Variants in RHOT2 observed in about 807,000 individuals in gnomAD.
RHOT2 encodes the protein ras homolog family member T2.
Under a neutral mutation model 81.6 loss-of-function variants are expected in RHOT2, and 90 were observed. The ratio of observed to expected loss-of-function variants is 1.10; its 90% CI spans 0.93 to 1.31. The LOEUF (loss-of-function observed/expected upper bound fraction) is 1.31, where lower values mean the gene tolerates loss of function less well. RHOT2 is among the 40% of genes most tolerant of loss of function. The pLI, the probability that RHOT2 is intolerant of heterozygous loss-of-function variation, is 0.00. For missense variants in RHOT2, 1,014 were observed against 841.9 expected (o/e 1.20, Z -2.53); for synonymous variants, 512 against 370.9 (o/e 1.38, Z -4.37).
rs1473860421 is a variant in RHOT2 at position 673,502 on chromosome 16, C to A, written c.1753C>A (p.His585Asn). Residue 585 changes from histidine to asparagine, a missense_variant, in exon 19 of 19, where the codon CAT becomes AAT. His to Asn is a moderately conservative substitution (Grantham distance 68). Coordinates refer to ENST00000315082, the MANE Select transcript of RHOT2 (RefSeq NM_138769.3). The stretch of plus-strand genomic sequence containing the variant: ...CAGACATTTGGTCCACGCAGAGCTG[C>A]ATCCCTCTTCCTTCTGGCTCCGGGG... ...AFPHLVHAEL[H>N]PSSFWLRGLL... 1 of 1,612,708 alleles carries A rather than the reference C, an allele frequency of 6.2e-7. No individual in the cohort carries two copies. Among genetic ancestry groups the A allele is most frequent in the Admixed American group, 1.7e-5 (1 of 60,004 alleles).
intron 4 of RHOT2, chr16:668,966 T>C: frequency 1.9e-6 from 1 of 525,454 alleles, no homozygotes; most frequent in Non-Finnish European, 3.3e-6. Context: ...TTGCTCTTCC[T>C]GTGGGCTCTG....
Position 673,680 on chromosome 16 carries a change from C to T in RHOT2, c.*74C>T. 1.3e-6 allele frequency: 2 copies of T among 1,536,820 alleles called. No individual in the cohort carries two copies. Among genetic ancestry groups the T allele is most frequent in the Non-Finnish European group, 1.8e-6 (2 of 1,142,216 alleles). The stretch of plus-strand genomic sequence containing the variant: ...CTGGGGCTCTGCAGGGGCAGCACAG[C>T]TGGGGTGCAGGCCAGGCTGCCACTC... On this transcript the variant is annotated 3_prime_UTR_variant, in exon 19 of 19. Transcript: ENST00000315082.
At position 670,370 on chromosome 16, in the gene RHOT2, C is replaced by T. The variant is rs543699046; in HGVS notation, c.438+13C>T. ...GACCTGCGTGGAGGTGAGTAGGTCC[C>T]AGGCAGGGCCGCCTCCTTCATTCCT... On this transcript the variant is annotated intron_variant, in intron 7 of 18. Coordinates refer to ENST00000315082, the MANE Select transcript of RHOT2 (RefSeq NM_138769.3). 292 of 1,611,984 alleles carry T rather than the reference C, an allele frequency of 1.8e-4. No homozygotes were observed. The highest frequency in any genetic ancestry group is 2.3e-4 in the Non-Finnish European group (273 of 1,179,392).
chr16:669,685 G>C, intron 5 of RHOT2, 79 bp downstream of exon 5: 2 of 1,440,310 alleles, frequency 1.4e-6, no homozygotes, highest in Non-Finnish European at 1.9e-6. Flanking sequence ...CCAACCCGTG[G>C]CCAGTGCCAT....
In RHOT2 at chr16:672,385, G is replaced by A. The variant is rs780621545; in HGVS notation, c.1326+1G>A. The A allele has an allele frequency of 2.9e-5, 46 of 1,609,358 alleles. No homozygotes were observed. Among genetic ancestry groups the A allele is most frequent in the Non-Finnish European group, 3.7e-5 (44 of 1,178,004 alleles). On this transcript the variant is annotated splice_donor_variant, in intron 15 of 18. Coordinates refer to ENST00000315082, the MANE Select transcript of RHOT2 (RefSeq NM_138769.3). LOFTEE classifies it high-confidence loss of function. ...GGCCTTTCTCGGCCGCGGCCTGGGG[G>A]TAAGCACCCTAGACTCCCCCACCAC...
intron 4 of RHOT2, 89 bp downstream of exon 4, chr16:668,788 CG>C: frequency 8.7e-6 from 12 of 1,378,228 alleles, no homozygotes; most frequent in Non-Finnish European, 1.2e-5. Context: ...CGAGGTGCTC[CG>C]GGTGTCCTTG....
chr16:672,822 C>A lies in RHOT2; in HGVS notation c.1524C>A (p.Tyr508Ter), dbSNP rs201619263. The A allele has an allele frequency of 2.5e-6, 4 of 1,612,624 alleles. No individual in the cohort carries two copies. Among genetic ancestry groups the A allele is most frequent in the Non-Finnish European group, 3.4e-6 (4 of 1,179,974 alleles). Reference sequence around the variant, plus strand: ...CCTTTGCACATTGTGCCAGCGTCTACAAGGTGGGGCCCTGCAGGGGCCACG... The same window carrying A: ...CCTTTGCACATTGTGCCAGCGTCTAAAAGGTGGGGCCCTGCAGGGGCCACG... The part of the protein sequence containing the change: ...PKSFAHCASV[Y>*]KHHYMDGQTP... The change falls in exon 17 of 19, where the codon TAC becomes TAA. Residue 508 changes from tyrosine to a stop codon, truncating the protein, a stop_gained. Coordinates refer to ENST00000315082, the MANE Select transcript of RHOT2 (RefSeq NM_138769.3). LOFTEE classifies it high-confidence loss of function.
In RHOT2 at chr16:673,802, C is replaced by T. The variant is rs2039345555; in HGVS notation, c.*196C>T. ...TGCACTGCCCTGGCTCCTGCCGGAC[C>T]CCCAGGGTGGGCCGTGGCAGGTGGC... On this transcript the variant is annotated 3_prime_UTR_variant, in exon 19 of 19. Coordinates refer to ENST00000315082, the MANE Select transcript of RHOT2 (RefSeq NM_138769.3). The T allele has an allele frequency of 1.4e-6, 1 of 736,310 alleles. No individual in the cohort carries two copies. The highest frequency in any genetic ancestry group is 2.8e-5 in the East Asian group (1 of 35,898). The allele number at this position is 736,310 out of a possible 1,614,324, so 45.6% of individuals were successfully genotyped here.
rs890390453 is a variant in RHOT2, at chr16:668,550, C to T, written c.159C>T (p.Thr53=). 1.2e-6 allele frequency: 2 copies of T among 1,610,574 alleles called. No individual in the cohort carries two copies. Among genetic ancestry groups the T allele is most frequent in the African/African-American group, 2.7e-5 (2 of 74,728 alleles). Residue 53 remains threonine (T), a synonymous_variant, in exon 3 of 19, where the codon ACC becomes ACT. Transcript: ENST00000315082. ...PADVTPEKVP[T]HIVDYSEAEQ... is the part of the protein sequence containing the mutation. ...ACGTCACCCCGGAGAAGGTGCCCAC[C>T]CACATCGTGGACTACTCAGGTAGCG...
rs1334126488 is a variant in RHOT2, at chr16:672,819, C to G, written c.1521C>G (p.Val507=). 1.2e-6 allele frequency: 2 copies of G among 1,612,658 alleles called. No homozygotes were observed. Among genetic ancestry groups the G allele is most frequent in the Non-Finnish European group, 8.5e-7 (1 of 1,179,972 alleles). ...AGTCCTTTGCACATTGTGCCAGCGT[C>G]TACAAGGTGGGGCCCTGCAGGGGCC... ...DPKSFAHCAS[V]YKHHYMDGQT... is the part of the protein sequence containing the mutation. The change falls in exon 17 of 19, where the codon GTC becomes GTG. Residue 507 remains valine (V), a synonymous_variant. Coordinates refer to ENST00000315082, the MANE Select transcript of RHOT2 (RefSeq NM_138769.3).
Position 673,628 on chromosome 16 carries a change from C to T in RHOT2, c.*22C>T, listed in dbSNP as rs114607348. 1.7e-3 allele frequency: 2,635 copies of T among 1,595,126 alleles called. 43 individuals are homozygous for T. In the African/African-American group the frequency reaches 0.032, roughly 20 times the overall value. ...GTGAGGCCCCTGGTACCCAAGCCCC[C>T]TCCCCTGACCTGGGTGTGCCTCGCT... On this transcript the variant is annotated 3_prime_UTR_variant, in exon 19 of 19. Coordinates refer to ENST00000315082, the MANE Select transcript of RHOT2 (RefSeq NM_138769.3).
intron 4 of RHOT2, chr16:669,163 G>A (rs569333324): frequency 2.5e-6 from 1 of 395,490 alleles, no homozygotes; most frequent in Non-Finnish European, 4.7e-6. Context: ...TGTAGCGAGG[G>A]GGGAGGCAGG....
At position 672,179 on chromosome 16, in the gene RHOT2, C is replaced by T. The variant is rs771574702; in HGVS notation, c.1193C>T (p.Thr398Ile). 9 of 1,612,594 alleles carry T rather than the reference C, an allele frequency of 5.6e-6. No homozygotes were observed. The highest frequency in any genetic ancestry group is 6.8e-6 in the Non-Finnish European group (8 of 1,179,926). Residue 398 changes from threonine to isoleucine, a missense_variant and splice_region_variant, in exon 14 of 19, where the codon ACA becomes ATA. Thr to Ile is a moderately conservative substitution (Grantham distance 89). Coordinates refer to ENST00000315082, the MANE Select transcript of RHOT2 (RefSeq NM_138769.3). ...LCEQDQAHAI[T>I]VTREKRLDQE... ...GAGCAGGACCAGGCCCATGCCATCA[C>T]AGGTAGGCACCCACCCTCCCTGGGC... is the stretch of plus-strand genomic sequence containing the variant.
In RHOT2 at chr16:672,073, C is replaced by T. The variant is rs1423613527; in HGVS notation, c.1098-11C>T. 2 of 1,612,342 alleles carry T rather than the reference C, an allele frequency of 1.2e-6. No homozygotes were observed. Among genetic ancestry groups the T allele is most frequent in the African/African-American group, 2.7e-5 (2 of 74,892 alleles). On this transcript the variant is annotated splice_polypyrimidine_tract_variant and intron_variant, in intron 13 of 18. Coordinates refer to ENST00000315082, the MANE Select transcript of RHOT2 (RefSeq NM_138769.3). ...ACCATAACACTGTGCCTGCCTCCCG[C>T]CCACCCCCAGCCTGGTGACCTACCT...
intron 15 of RHOT2, 41 bp downstream of exon 15, chr16:672,425 G>C: frequency 1.9e-6 from 3 of 1,607,872 alleles, no homozygotes; most frequent in Non-Finnish European, 2.5e-6. Flanking sequence ...GGGGCTCCAG[G>C]GGCAGGGCAG....
Position 673,100 on chromosome 16 carries a change from T to C in RHOT2, c.1700T>C (p.Phe567Ser). 6.2e-7 allele frequency: 1 copy of C among 1,611,502 alleles called. No homozygotes were observed. Among genetic ancestry groups the C allele is most frequent in the Non-Finnish European group, 8.5e-7 (1 of 1,179,896 alleles). ...AGPAEPSTTI[F>S]TQLATMAAFP... ...CCAGCCGAGCCCAGCACCACCATCT[T>C]CACCCAGCTCGCCACCATGGCCGCC... is the stretch of plus-strand genomic sequence containing the variant. Residue 567 changes from phenylalanine to serine, a missense_variant, in exon 18 of 19, where the codon TTC becomes TCC. By Grantham distance (155) the Phe-to-Ser change is radical. Transcript: ENST00000315082.
chr16:670,369 C>T lies in RHOT2; in HGVS notation c.438+12C>T, dbSNP rs1035036906. 2 of 1,611,798 alleles carry T rather than the reference C, an allele frequency of 1.2e-6. No homozygotes were observed. The highest frequency in any genetic ancestry group is 1.7e-6 in the Non-Finnish European group (2 of 1,179,098). ...AGACCTGCGTGGAGGTGAGTAGGTCCCAGGCAGGGCCGCCTCCTTCATTCC... is the reference window on the plus strand; with the variant it reads ...AGACCTGCGTGGAGGTGAGTAGGTCTCAGGCAGGGCCGCCTCCTTCATTCC... On this transcript the variant is annotated intron_variant, in intron 7 of 18. Coordinates refer to ENST00000315082, the MANE Select transcript of RHOT2 (RefSeq NM_138769.3).
intron 4 of RHOT2, chr16:669,317 G>C (rs1431135883): frequency 3.5e-6 from 2 of 573,408 alleles, no homozygotes; most frequent in East Asian, 6.1e-5. Flanking sequence ...CGGGGAAGAG[G>C]CTTCTCTGAG....
chr16:671,549 C>T (rs1223514616), intron 11 of RHOT2, 148 bp from the exon 12 acceptor site: 16 of 873,772 alleles, frequency 1.8e-5, no homozygotes, highest in South Asian at 6.8e-5. Flanking sequence ...CCTCCCCTAT[C>T]GCAGCTGCAA....
Sources: gnomAD v4.1 joint callset for allele counts on GRCh38, gnomAD v4.1.1 for gene constraint, MANE v1.5 for transcripts, NCBI Gene and HGNC (gene_info 2026-07-23, HGNC 2026-07-21) for gene names.